RERG: variants seen among roughly 807,000 people sequenced by gnomAD.
The protein encoded by RERG is RAS like estrogen regulated growth inhibitor.
In RERG, 25 loss-of-function variants were observed where a neutral mutation model predicts 23.2. That is an observed-to-expected ratio of 1.08 (90% CI 0.79 to 1.50). The LOEUF (loss-of-function observed/expected upper bound fraction) is 1.50, where lower values mean the gene tolerates loss of function less well. Among genes scored for constraint, RERG ranks in the 40% most tolerant of loss-of-function variants. The pLI, the probability that RERG is intolerant of heterozygous loss-of-function variation, is 0.00. For synonymous variants in RERG, 81 were observed against 89.1 expected, an observed-to-expected ratio of 0.91 and a Z score of 0.51; for missense variants, 253 against 250.1, an observed-to-expected ratio of 1.01 and a Z score of -0.08.
intron 1 of RERG, among the ~76,000 whole-genome samples, chr12:15,219,450 A>G (rs952276790): frequency 2.6e-5 from 4 of 152,242 alleles, no homozygotes; most frequent in South Asian, 2.1e-4. Context: ...TTCATCCTCA[A>G]TAATGACAAA....
At chr12:15,165,037 G>A (rs956207131) in intron 2 of RERG, among the ~76,000 whole-genome samples, 8 of 152,180 alleles carry the variant, frequency 5.3e-5, no homozygotes, top group African/African-American at 1.9e-4. Context: ...CAGACTCAGA[G>A]CTAAATGAAG....
At chr12:15,205,282 G>C (rs1346066977) in intron 2 of RERG, among the ~76,000 whole-genome samples, 1 of 151,886 alleles carries the variant, frequency 6.6e-6, no homozygotes, top group African/African-American at 2.4e-5. Flanking sequence ...ATAGAGGGAG[G>C]ACTGAAGAAA....
chr12:15,184,373 C>T (rs1864962665), intron 2 of RERG, among the ~76,000 whole-genome samples: 1 of 151,960 alleles, frequency 6.6e-6, no homozygotes, highest in Admixed American at 6.6e-5. Flanking sequence ...GGAAGAAGGA[C>T]TTTTTTATGC....
chr12:15,171,181 G>C (rs1331986623), intron 2 of RERG, among the ~76,000 whole-genome samples: 1 of 152,200 alleles, frequency 6.6e-6, no homozygotes, highest in Non-Finnish European at 1.5e-5. Context: ...TATAATCAAA[G>C]CTGGCGGTCA....
intron 2 of RERG, among the ~76,000 whole-genome samples, chr12:15,123,246 T>TA (rs1863870046): frequency 6.6e-6 from 1 of 152,066 alleles, no homozygotes; most frequent in Non-Finnish European, 1.5e-5. Flanking sequence ...TCAAAATATT[T>TA]AAAAAATGTA....
At chr12:15,206,629 C>T (rs78755266) in intron 2 of RERG, among the ~76,000 whole-genome samples, 4,595 of 152,194 alleles carry the variant, frequency 0.03, 102 homozygotes, top group East Asian at 0.05. Flanking sequence ...CTGAAACATA[C>T]ATTTTAACAA....
intron 3 of RERG, among the ~76,000 whole-genome samples, chr12:15,118,409 A>G (rs1453439595): frequency 6.6e-6 from 1 of 152,178 alleles, no homozygotes; most frequent in Admixed American, 6.5e-5. Flanking sequence ...GTTTCTCAGG[A>G]AAGCACTGAC....
intron 2 of RERG, among the ~76,000 whole-genome samples, chr12:15,213,726 CA>C (rs550537322): frequency 1.3e-3 from 196 of 152,262 alleles, no homozygotes; most frequent in African/African-American, 4.1e-3. Context: ...TGTCTGTGGT[CA>C]AACTGTCAAT....
At chr12:15,187,850 T>C (rs1180075441) in intron 2 of RERG, among the ~76,000 whole-genome samples, 1 of 152,068 alleles carries the variant, frequency 6.6e-6, no homozygotes, top group Admixed American at 6.6e-5. Context: ...TGAACCACCG[T>C]GCCTGGCTGA....
In RERG at chr12:15,111,391, T is replaced by C. The variant is rs751324593; in HGVS notation, c.145A>G (p.Ile49Val). ...LESTYRHQAT[I>V]DDEVVSMEIL... ...TCCATGGAAACAACTTCATCATCGATGGTTGCTTGGTGTCGGTAGGTTGAT... is the reference window on the plus strand; with the variant it reads ...TCCATGGAAACAACTTCATCATCGACGGTTGCTTGGTGTCGGTAGGTTGAT... The change falls in exon 4 of 5, where the codon ATC (isoleucine) becomes GTC (valine). Residue 49 changes from isoleucine (I) to valine (V), a missense_variant. Coordinates refer to ENST00000256953, the MANE Select transcript of RERG (RefSeq NM_032918.3). 4 of 1,613,496 alleles carry C rather than the reference T, an allele frequency of 2.5e-6. No homozygotes were observed. Among genetic ancestry groups the C allele is most frequent in the African/African-American group, 2.7e-5 (2 of 75,016 alleles).
chr12:15,209,604 C>T (rs900610062), intron 2 of RERG, among the ~76,000 whole-genome samples: 1 of 151,902 alleles, frequency 6.6e-6, no homozygotes, highest in South Asian at 2.1e-4. Flanking sequence ...AGAATTTTGG[C>T]TATTTTGGTT....
chr12:15,203,509 C>A (rs1016544772), intron 2 of RERG, among the ~76,000 whole-genome samples: 3 of 151,632 alleles, frequency 2.0e-5, no homozygotes, highest in African/African-American at 7.2e-5. Flanking sequence ...AGATTAGGAA[C>A]AAGACAATGA....
At chr12:15,166,001 G>A (rs1864681523) in intron 2 of RERG, among the ~76,000 whole-genome samples, 1 of 152,180 alleles carries the variant, frequency 6.6e-6, no homozygotes, top group Non-Finnish European at 1.5e-5. Context: ...GGGAGAGGTT[G>A]TGCAGGTTAT....
chr12:15,179,897 T>A (rs1384751591), intron 2 of RERG, among the ~76,000 whole-genome samples: 2 of 152,190 alleles, frequency 1.3e-5, no homozygotes, highest in Non-Finnish European at 2.9e-5. Context: ...ATGAAGCACA[T>A]GTTACAGGAC....
chr12:15,136,017 T>C (rs998413493), intron 2 of RERG, among the ~76,000 whole-genome samples: 2 of 152,120 alleles, frequency 1.3e-5, no homozygotes, highest in African/African-American at 4.8e-5. Flanking sequence ...AGTGAACCCA[T>C]CTGGGCATGG....
At chr12:15,186,339 TTGC>T (rs1864989930) in intron 2 of RERG, among the ~76,000 whole-genome samples, 1 of 152,080 alleles carries the variant, frequency 6.6e-6, no homozygotes, top group South Asian at 2.1e-4. Flanking sequence ...GTCTGGATGT[TTGC>T]TGGGCCATGT....
At chr12:15,189,138 TG>T (rs1383072984) in intron 2 of RERG, among the ~76,000 whole-genome samples, 1 of 152,208 alleles carries the variant, frequency 6.6e-6, no homozygotes, top group East Asian at 1.9e-4. Context: ...CACATCATAT[TG>T]TTTTCTTAGC....
chr12:15,155,231 C>T (rs1864504633), intron 2 of RERG: 1 of 152,280 alleles, frequency 6.6e-6, no homozygotes, highest in Admixed American at 6.5e-5. Context: ...GAAAAACATG[C>T]ACACACCTGG....
At chr12:15,126,853 G>A (rs1296482394) in intron 2 of RERG, among the ~76,000 whole-genome samples, 1 of 151,270 alleles carries the variant, frequency 6.6e-6, no homozygotes. Context: ...CAGTAGCTGG[G>A]ACTACAGGCG....
Sources: gnomAD v4.1 joint callset for allele counts (sites outside exome capture counted in the v4.1 genomes callset) on GRCh38, gnomAD v4.1.1 for gene constraint, MANE v1.5 for transcripts, NCBI Gene and HGNC (gene_info 2026-07-23, HGNC 2026-07-21) for gene names.